Variants in PDE10A observed in about 807,000 individuals in gnomAD.
PDE10A encodes phosphodiesterase 10A, also known as cAMP and cAMP-inhibited cGMP 3',5'-cyclic phosphodiesterase 10A.
A neutral mutation model predicts 97.7 loss-of-function variants in PDE10A; 39 were observed. The observed-to-expected ratio is 0.40, with a 90% confidence interval of 0.31 to 0.52. PDE10A has a LOEUF of 0.52. Ranked by LOEUF, PDE10A falls within the 20% of genes least tolerant of loss-of-function variation. PDE10A has a pLI of 0.56. For missense variants in PDE10A, 731 were observed against 1,047.8 expected, an observed-to-expected ratio of 0.70 and a Z score of 4.17; for synonymous variants, 371 against 376.8, an observed-to-expected ratio of 0.98 and a Z score of 0.18.
chr6:165,559,879 T>C (rs1256641857), intron 1 of PDE10A, among the ~76,000 whole-genome samples: 2 of 152,212 alleles, frequency 1.3e-5, no homozygotes, highest in Non-Finnish European at 2.9e-5. Context: ...GCCGCCGCCA[T>C]GTAAAAAGTG....
chr6:165,500,922 G>C (rs62443780), intron 2 of PDE10A, among the ~76,000 whole-genome samples: 1 of 151,986 alleles, frequency 6.6e-6, no homozygotes, highest in African/African-American at 2.4e-5. Flanking sequence ...GTTTGTGTAC[G>C]TGCACATCAA....
chr6:165,875,749 TGTG>T, intron 1 of PDE10A, among the ~76,000 whole-genome samples: 1 of 142,868 alleles, frequency 7.0e-6, no homozygotes, highest in African/African-American at 2.8e-5. Context: ...TTTTTTTTTG[TGTG>T]TGTGTGTGTG....
At chr6:165,987,955 A>T in exon 1 of PDE10A, 1 of 382,220 alleles carries the variant, frequency 2.6e-6, no homozygotes, top group Non-Finnish European at 5.2e-6. Context: ...TCTTTAGAAC[A>T]TGAGTGCTTG....
chr6:165,692,663 C>T (rs148933208), intron 1 of PDE10A, among the ~76,000 whole-genome samples: 1 of 152,176 alleles, frequency 6.6e-6, no homozygotes, highest in East Asian at 1.9e-4. Context: ...AGCATTTTCT[C>T]GGCAGTAACG....
intron 1 of PDE10A, among the ~76,000 whole-genome samples, chr6:165,826,393 TC>T (rs577592725): frequency 1.5e-5 from 2 of 131,482 alleles, no homozygotes; most frequent in South Asian, 2.9e-4. Flanking sequence ...CTCATGTCCC[TC>T]GTGTCCCCAT....
chr6:165,872,459 C>T (rs990303438), intron 1 of PDE10A, among the ~76,000 whole-genome samples: 21 of 152,126 alleles, frequency 1.4e-4, no homozygotes, highest in Admixed American at 1.4e-3. Flanking sequence ...CAGCAGTATC[C>T]TCTTCCTTCT....
chr6:165,755,820 G>A (rs1038243309), intron 1 of PDE10A, among the ~76,000 whole-genome samples: 8 of 152,214 alleles, frequency 5.3e-5, no homozygotes, highest in Non-Finnish European at 1.0e-4. Flanking sequence ...GCTCCTGATA[G>A]GACTTGGGGG....
At chr6:165,525,578 C>T (rs750522478) in intron 2 of PDE10A, among the ~76,000 whole-genome samples, 8 of 152,256 alleles carry the variant, frequency 5.3e-5, no homozygotes, top group Middle Eastern at 3.4e-3. Context: ...CAATTCTTTG[C>T]GAAATAGATT....
intron 13 of PDE10A, 117 bp from the exon 14 acceptor site, chr6:165,396,576 GATTTATTATT>G: frequency 2.1e-6 from 2 of 957,900 alleles, no homozygotes; most frequent in Middle Eastern, 2.5e-4. Flanking sequence ...AACCAAAGTG[GATTTATTATT>G]ATCCGTATTT....
chr6:165,911,577 C>T (rs1423199750), intron 1 of PDE10A, among the ~76,000 whole-genome samples: 3 of 152,194 alleles, frequency 2.0e-5, no homozygotes, highest in African/African-American at 7.2e-5. Context: ...GCCACTAAAA[C>T]AGAGAAGGAT....
At chr6:165,361,824 C>G (rs1305302582) in intron 18 of PDE10A, among the ~76,000 whole-genome samples, 1 of 152,160 alleles carries the variant, frequency 6.6e-6, no homozygotes, top group Non-Finnish European at 1.5e-5. Context: ...GTTGCCGGTA[C>G]CTTGATTTCA....
At chr6:165,391,207 T>G (rs965500964) in intron 16 of PDE10A, among the ~76,000 whole-genome samples, 1 of 152,188 alleles carries the variant, frequency 6.6e-6, no homozygotes, top group Non-Finnish European at 1.5e-5. Context: ...AGAGATTAAA[T>G]TTCTTCTTTA....
chr6:165,807,113 C>T (rs892121374), intron 1 of PDE10A, among the ~76,000 whole-genome samples: 1 of 152,134 alleles, frequency 6.6e-6, no homozygotes, highest in African/African-American at 2.4e-5. Context: ...TGAGAGAAAA[C>T]CTGAGATGGA....
chr6:165,756,307 G>C (rs1208765103), intron 1 of PDE10A, among the ~76,000 whole-genome samples: 2 of 151,942 alleles, frequency 1.3e-5, no homozygotes, highest in African/African-American at 2.4e-5. Flanking sequence ...TTTTGAGAAG[G>C]GTAGGCATTC....
chr6:165,907,273 G>A (rs1354060774), intron 1 of PDE10A, among the ~76,000 whole-genome samples: 1 of 152,236 alleles, frequency 6.6e-6, no homozygotes, highest in Admixed American at 6.5e-5. Context: ...GGGAGATTCA[G>A]GATCCGGGCC....
At chr6:165,644,048 A>G (rs976296373) in intron 1 of PDE10A, among the ~76,000 whole-genome samples, 1 of 152,194 alleles carries the variant, frequency 6.6e-6, no homozygotes, top group Non-Finnish European at 1.5e-5. Flanking sequence ...ACATCCTCAG[A>G]AAAATTCATT....
chr6:165,839,887 C>CATCCCCCTCCT (rs1780184478), intron 1 of PDE10A, among the ~76,000 whole-genome samples: 1 of 32,698 alleles, frequency 3.1e-5, no homozygotes, highest in African/African-American at 1.0e-4. Context: ...ACCTCTGTCT[C>CATCCCCCTCCT]CATCCCCATT....
intron 1 of PDE10A, among the ~76,000 whole-genome samples, chr6:165,971,115 T>C (rs1392055563): frequency 6.6e-6 from 1 of 151,322 alleles, no homozygotes; most frequent in Non-Finnish European, 1.5e-5. Context: ...ACCATTGCAC[T>C]CCAGCCTAGG....
intron 18 of PDE10A, among the ~76,000 whole-genome samples, chr6:165,371,616 C>G (rs992382278): frequency 3.9e-5 from 6 of 152,150 alleles, no homozygotes; most frequent in African/African-American, 1.2e-4. Flanking sequence ...AGTCCAGGAC[C>G]AGATGGATTC....
Sources: gnomAD v4.1 joint callset for allele counts (sites outside exome capture counted in the v4.1 genomes callset) on GRCh38, gnomAD v4.1.1 for gene constraint, MANE v1.5 for transcripts, NCBI Gene and HGNC (gene_info 2026-07-23, HGNC 2026-07-21) for gene names.